TRIM37: variants seen among roughly 807,000 people sequenced by gnomAD.
TRIM37 encodes the protein E3 ubiquitin-protein ligase TRIM37.
TRIM37 carries 80 observed loss-of-function variants against 129.8 expected under a neutral mutation model. The ratio of observed to expected loss-of-function variants is 0.62; its 90% CI spans 0.51 to 0.74. The LOEUF (loss-of-function observed/expected upper bound fraction) is 0.74. TRIM37 is among the 30% of genes least tolerant of loss of function. The pLI, the probability that TRIM37 is intolerant of heterozygous loss-of-function variation, is 0.00. For missense variants in TRIM37, 1,054 were observed against 1,176.5 expected, an observed-to-expected ratio of 0.90 and a Z score of 1.52; for synonymous variants, 389 against 387.1, an observed-to-expected ratio of 1.00 and a Z score of -0.06.
the TRIM37 span, among the ~76,000 whole-genome samples, chr17:58,972,559 C>T: frequency 1.3e-5 from 2 of 152,230 alleles, no homozygotes; most frequent in African/African-American, 4.8e-5. Context: ...CCATGTTGGC[C>T]AGGCTGGTCT....
At chr17:59,033,901 T>C (rs1429129776) in intron 17 of TRIM37, among the ~76,000 whole-genome samples, 1 of 151,582 alleles carries the variant, frequency 6.6e-6, no homozygotes, top group Non-Finnish European at 1.5e-5. Flanking sequence ...GCAGATCACC[T>C]GAGGTCAAGA....
chr17:59,046,540 G>GTTT (rs772227639), intron 16 of TRIM37, among the ~76,000 whole-genome samples: 6 of 131,884 alleles, frequency 4.5e-5, no homozygotes, highest in African/African-American at 8.7e-5. Flanking sequence ...ATGAAAAACA[G>GTTT]TTTTTTTTTT....
intron 2 of TRIM37, among the ~76,000 whole-genome samples, chr17:59,103,592 G>A (rs916341481): frequency 3.3e-5 from 5 of 150,976 alleles, no homozygotes; most frequent in African/African-American, 7.3e-5. Context: ...CACCCGCCTC[G>A]GCCTCCCAAA....
chr17:59,031,463 A>C (rs180838975), intron 18 of TRIM37, among the ~76,000 whole-genome samples: 2 of 152,372 alleles, frequency 1.3e-5, no homozygotes. Context: ...ACCTTTGCAC[A>C]GAAAACAGTG....
At chr17:58,968,641 T>C in the TRIM37 span, among the ~76,000 whole-genome samples, 1 of 152,196 alleles carries the variant, frequency 6.6e-6, no homozygotes, top group Non-Finnish European at 1.5e-5. Flanking sequence ...TATTACATAC[T>C]GTTGCCTGAA....
intron 11 of TRIM37, among the ~76,000 whole-genome samples, chr17:59,061,556 T>C (rs982479159): frequency 8.5e-5 from 13 of 152,108 alleles, no homozygotes; most frequent in African/African-American, 2.9e-4. Context: ...TAGAATTCCA[T>C]ATAAGATTCT....
Position 59,075,687 on chromosome 17 carries a change from G to A in TRIM37, c.644C>T (p.Thr215Ile), listed in dbSNP as rs2042757288. 1 of 1,610,610 alleles carries A rather than the reference G, an allele frequency of 6.2e-7. No homozygotes were observed. Among genetic ancestry groups the A allele is most frequent in the Non-Finnish European group, 8.5e-7 (1 of 1,179,032 alleles). ...MGQKTSLTQETELLESLLQEV... is the reference protein window; with the variant it reads ...MGQKTSLTQEIELLESLLQEV... ...CTGAAGTAAGGATTCCAAAAGCTCT[G>A]TTTCTTGGGTTAGAGATGTCTTCTG... Residue 215 changes from threonine (T) to isoleucine (I), a missense_variant, in exon 8 of 24, where the codon ACA (threonine) becomes ATA (isoleucine). Physicochemically the swap from Thr to Ile is moderately conservative, Grantham distance 89. Transcript: ENST00000262294.
intron 8 of TRIM37, among the ~76,000 whole-genome samples, chr17:59,073,696 C>A (rs2042578811): frequency 6.6e-6 from 1 of 152,220 alleles, no homozygotes; most frequent in Non-Finnish European, 1.5e-5. Context: ...AATTCCTGGG[C>A]TGAGGCAATC....
intron 16 of TRIM37, among the ~76,000 whole-genome samples, chr17:59,044,434 C>T (rs937844534): frequency 2.0e-5 from 3 of 152,124 alleles, no homozygotes; most frequent in South Asian, 4.2e-4. Context: ...TAGTGGCAGG[C>T]GTGTATAATC....
chr17:58,992,107 C>A (rs1258852971), intron 24 of TRIM37, among the ~76,000 whole-genome samples: 1 of 151,698 alleles, frequency 6.6e-6, no homozygotes, highest in Non-Finnish European at 1.5e-5. Context: ...CTCAGAAATG[C>A]ACTTATGATC....
chr17:58,996,197 G>A (rs772384629), downstream of TRIM37, among the ~76,000 whole-genome samples: 1 of 152,066 alleles, frequency 6.6e-6, no homozygotes, highest in Non-Finnish European at 1.5e-5. Context: ...GGCTGGGCGG[G>A]CACAGTGGCT....
At chr17:59,035,811 GA>G (rs952079341) in intron 17 of TRIM37, among the ~76,000 whole-genome samples, 3 of 151,708 alleles carry the variant, frequency 2.0e-5, no homozygotes, top group African/African-American at 4.8e-5. Context: ...AGTTCACATA[GA>G]AAAAAAACCT....
chr17:59,011,295 T>C (rs1473618593), intron 22 of TRIM37, among the ~76,000 whole-genome samples: 2 of 152,258 alleles, frequency 1.3e-5, no homozygotes, highest in Non-Finnish European at 2.9e-5. Flanking sequence ...AAATCTTTTC[T>C]ATTTAATCTC....
At chr17:58,983,990 G>A (rs539198350) in intron 24 of TRIM37, 11 of 152,672 alleles carry the variant, frequency 7.2e-5, no homozygotes, top group Admixed American at 5.2e-4. Context: ...GTACTTTTGA[G>A]GGACATGAGG....
chr17:59,100,484 A>C (rs1190168719), intron 2 of TRIM37, among the ~76,000 whole-genome samples: 4 of 152,242 alleles, frequency 2.6e-5, no homozygotes, highest in Non-Finnish European at 4.4e-5. Context: ...GTAAGAGTAC[A>C]TATTGTATGA....
At chr17:58,994,781 T>A (rs2032814240), downstream of TRIM37, among the ~76,000 whole-genome samples, 2 of 151,326 alleles carry the variant, frequency 1.3e-5, no homozygotes, top group South Asian at 4.2e-4. Context: ...AGAGTTTCGC[T>A]CTTGTTGCCC....
the TRIM37 span, among the ~76,000 whole-genome samples, chr17:58,975,237 TG>T: frequency 2.6e-5 from 4 of 152,360 alleles, no homozygotes; most frequent in East Asian, 7.7e-4. Flanking sequence ...ATCTGACCTT[TG>T]TCAGAGGATT....
At chr17:58,985,204 A>C (rs989726077) in intron 24 of TRIM37, 1 of 152,682 alleles carries the variant, frequency 6.5e-6, no homozygotes, top group South Asian at 2.1e-4. Flanking sequence ...TTTTATTTAA[A>C]GGAAAGGTAA....
chr17:59,079,622 T>A, intron 7 of TRIM37, 132 bp downstream of exon 7: 9 of 1,156,536 alleles, frequency 7.8e-6, no homozygotes, highest in Non-Finnish European at 1.1e-5. Context: ...TTTATCTGTC[T>A]AAATTGTAAC....
Sources: allele counts gnomAD v4.1 joint callset (sites outside exome capture counted in the v4.1 genomes callset), GRCh38; gene constraint gnomAD v4.1.1; transcripts MANE v1.5; gene names NCBI Gene and HGNC (gene_info 2026-07-23, HGNC 2026-07-21).